Variants in VAV3 observed in about 807,000 individuals in gnomAD.
VAV3 encodes the protein vav guanine nucleotide exchange factor 3.
In VAV3, 94 loss-of-function variants were observed where a neutral mutation model predicts 131.2. That is an observed-to-expected ratio of 0.72 (90% CI 0.61 to 0.85). The LOEUF (loss-of-function observed/expected upper bound fraction) is 0.85, where lower values mean the gene tolerates loss of function less well. VAV3 is among the 40% of genes least tolerant of loss of function. The pLI, the probability that VAV3 is intolerant of heterozygous loss-of-function variation, is 0.00. For missense variants in VAV3, 939 were observed against 1,002.7 expected, an observed-to-expected ratio of 0.94 and a Z score of 0.86; for synonymous variants, 349 against 342.0, an observed-to-expected ratio of 1.02 and a Z score of -0.22.
intron 19 of VAV3, among the ~76,000 whole-genome samples, chr1:107,662,876 C>T (rs1362211761): frequency 6.6e-6 from 1 of 152,170 alleles, no homozygotes; most frequent in African/African-American, 2.4e-5. Context: ...AGGTGTCAAT[C>T]AGAAAGCAGA....
intron 4 of VAV3, among the ~76,000 whole-genome samples, chr1:107,776,274 G>C (rs974709056): frequency 4.6e-5 from 7 of 152,114 alleles, no homozygotes; most frequent in African/African-American, 1.7e-4. Flanking sequence ...GAAGTTCTAG[G>C]AATACAGCCA....
intron 1 of VAV3, among the ~76,000 whole-genome samples, chr1:107,956,458 T>A (rs1029521417): frequency 1.3e-5 from 2 of 152,174 alleles, no homozygotes; most frequent in South Asian, 4.1e-4. Flanking sequence ...AATTCTAAAC[T>A]GATAAGCCTT....
chr1:107,637,139 A>G (rs1654991569), intron 20 of VAV3, among the ~76,000 whole-genome samples: 1 of 152,180 alleles, frequency 6.6e-6, no homozygotes, highest in South Asian at 2.1e-4. Flanking sequence ...TGAGATGGAT[A>G]ATACAACCAC....
Position 107,735,261 on chromosome 1 carries a change from A to T in VAV3, c.1502+13707T>A, listed in dbSNP as rs545700020. 4.6e-5 allele frequency among the ~76,000 whole-genome samples: 7 copies of T among 152,358 alleles called. No individual in the cohort carries two copies. The South Asian group carries it at 1.4e-3, about 32-fold the overall frequency. On this transcript the variant is annotated intron_variant, in intron 15 of 26. Transcript: ENST00000370056. ...ATGCCCACAGGAGAAAGCAGGAAAGATCTAAAATCGACACCCTAACATCAC... is the reference window on the plus strand; with the variant it reads ...ATGCCCACAGGAGAAAGCAGGAAAGTTCTAAAATCGACACCCTAACATCAC...
chr1:107,820,472 T>TG (rs976175018), intron 2 of VAV3, among the ~76,000 whole-genome samples: 27 of 149,990 alleles, frequency 1.8e-4, no homozygotes, highest in African/African-American at 6.4e-4. Flanking sequence ...GGAAGGGGAG[T>TG]GGGGGGGTAG....
intron 19 of VAV3, among the ~76,000 whole-genome samples, chr1:107,643,355 C>T (rs1270559653): frequency 6.6e-6 from 1 of 152,124 alleles, no homozygotes; most frequent in Non-Finnish European, 1.5e-5. Context: ...GCCAATAGCA[C>T]CAATGATATT....
intron 2 of VAV3, among the ~76,000 whole-genome samples, chr1:107,805,710 T>C (rs780640137): frequency 2.6e-5 from 4 of 152,200 alleles, no homozygotes; most frequent in Non-Finnish European, 5.9e-5. Context: ...CTGTTTACTA[T>C]TGTTTCTTGT....
chr1:107,763,149 A>C (rs1664534168), intron 9 of VAV3, among the ~76,000 whole-genome samples: 1 of 152,220 alleles, frequency 6.6e-6, no homozygotes, highest in Non-Finnish European at 1.5e-5. Flanking sequence ...GTATTTGTTG[A>C]AGTGTTACAC....
At chr1:107,879,599 T>G (rs146412674) in intron 1 of VAV3, among the ~76,000 whole-genome samples, 1 of 152,156 alleles carries the variant, frequency 6.6e-6, no homozygotes. Context: ...AGAAGTTATC[T>G]GCTAGACCTT....
At position 107,645,790 on chromosome 1, in the gene VAV3, C is replaced by T. The variant is rs553035471; in HGVS notation, c.1778-3035G>A. Among the ~76,000 whole-genome samples, 16 of 152,094 alleles carry T rather than the reference C, an allele frequency of 1.1e-4. No homozygotes were observed. The East Asian group carries it at 1.7e-3, about 17-fold the overall frequency. On this transcript the variant is annotated intron_variant, in intron 19 of 26. Transcript: ENST00000370056. ...ATTAGATTTACAGATGTTCATATTT[C>T]GAACAGTCATTTAGTATTAATTTAA...
chr1:107,900,127 G>A (rs900569095), intron 1 of VAV3, among the ~76,000 whole-genome samples: 13 of 152,108 alleles, frequency 8.5e-5, no homozygotes, highest in African/African-American at 2.7e-4. Context: ...AAGGCTCAAG[G>A]TGTGATATTT....
chr1:107,838,150 A>G (rs998148449), intron 2 of VAV3, among the ~76,000 whole-genome samples: 6 of 152,220 alleles, frequency 3.9e-5, no homozygotes, highest in African/African-American at 1.4e-4. Context: ...CAAAGTTCTA[A>G]TAACCAGAAT....
In VAV3 at chr1:107,747,004, C is replaced by T. The variant is rs529184258; in HGVS notation, c.1502+1964G>A. Among the ~76,000 whole-genome samples the T allele has an allele frequency of 2.6e-5, 4 of 152,060 alleles. No homozygotes were observed. In the South Asian group the frequency reaches 6.2e-4, roughly 24 times the overall value. ...AAACAATTCTCCTGCTTCAGTCTTG[C>T]GAGTAGCTGGGACGACAGGCATGTG... is the stretch of plus-strand genomic sequence containing the variant. On this transcript the variant is annotated intron_variant, in intron 15 of 26. Coordinates refer to ENST00000370056, the MANE Select transcript of VAV3 (RefSeq NM_006113.5).
intron 1 of VAV3, chr1:107,963,332 G>A (rs1052741689): frequency 2.6e-5 from 4 of 152,262 alleles, no homozygotes; most frequent in African/African-American, 7.2e-5. Context: ...ACCCCTCAAA[G>A]GAATTTCCAG....
chr1:107,939,245 T>C lies in VAV3; in HGVS notation c.204+25421A>G, dbSNP rs143422126. ...ATTAAAGACTAGAAACTAAATCTCC[T>C]TGCAAGTCCAAAAATGTTAAATTCT... On this transcript the variant is annotated intron_variant, in intron 1 of 26. Coordinates refer to ENST00000370056, the MANE Select transcript of VAV3 (RefSeq NM_006113.5). 1.8e-3 allele frequency among the ~76,000 whole-genome samples: 272 copies of C among 152,342 alleles called. 2 individuals are homozygous for C. The highest frequency in any genetic ancestry group is 2.1e-4 in the Non-Finnish European group (14 of 68,036).
At chr1:107,958,515 A>G (rs1483765032) in intron 1 of VAV3, among the ~76,000 whole-genome samples, 1 of 152,254 alleles carries the variant, frequency 6.6e-6, no homozygotes, top group Non-Finnish European at 1.5e-5. Flanking sequence ...AGATGTTCAA[A>G]GGGCAACACT....
rs1376410903 is a variant in VAV3 at position 107,766,447 on chromosome 1, C to T, written c.821G>A (p.Arg274Lys). 1 of 1,602,210 alleles carries T rather than the reference C, an allele frequency of 6.2e-7. No individual in the cohort carries two copies. Among genetic ancestry groups the T allele is most frequent in the East Asian group, 2.2e-5 (1 of 44,800 alleles). Residue 274 changes from arginine to lysine, a missense_variant and splice_region_variant, in exon 8 of 27, where the codon AGA becomes AAA. Physicochemically the swap from Arg to Lys is conservative, Grantham distance 26. Transcript: ENST00000370056. Reference protein sequence around the residue: ...LYQVFINYKERLVIYGQYCSG... With the variant: ...LYQVFINYKEKLVIYGQYCSG... Reference sequence around the variant, plus strand: ...ACAAAACTTAAACTTCAAAAGTTACCTTTCCTTGTAGTTAATAAAAACTTG... The same window carrying T: ...ACAAAACTTAAACTTCAAAAGTTACTTTTCCTTGTAGTTAATAAAAACTTG...
At chr1:107,888,173 C>T (rs984031414) in intron 1 of VAV3, among the ~76,000 whole-genome samples, 3 of 152,194 alleles carry the variant, frequency 2.0e-5, no homozygotes, top group Non-Finnish European at 4.4e-5. Context: ...TAACCCCACA[C>T]TGTGATATCT....
At chr1:107,916,650 T>C (rs1571137685) in intron 1 of VAV3, among the ~76,000 whole-genome samples, 1 of 152,246 alleles carries the variant, frequency 6.6e-6, no homozygotes. Flanking sequence ...CATGATTCCC[T>C]GTAAAATAAA....
Sources: gnomAD v4.1 joint callset for allele counts (sites outside exome capture counted in the v4.1 genomes callset) on GRCh38, gnomAD v4.1.1 for gene constraint, MANE v1.5 for transcripts, NCBI Gene and HGNC (gene_info 2026-07-23, HGNC 2026-07-21) for gene names.